Variants in ZNF790 observed in about 807,000 individuals in gnomAD.
ZNF790 encodes the protein zinc finger protein 790.
In ZNF790, 8 loss-of-function variants were observed where a neutral mutation model predicts 12.1. The observed-to-expected ratio is 0.66, with a 90% confidence interval of 0.39 to 1.19. The LOEUF (loss-of-function observed/expected upper bound fraction) is 1.19, where lower values mean the gene tolerates loss of function less well. ZNF790 is among the 50% of genes most tolerant of loss of function. The pLI is 0.01. For missense variants in ZNF790, 707 were observed against 752.2 expected (o/e 0.94, Z 0.70); for synonymous variants, 252 against 244.3 (o/e 1.03, Z -0.29).
chr19:36,849,475 A>G (rs545626909), intron 1 of ZNF790, among the ~76,000 whole-genome samples: 1 of 152,048 alleles, frequency 6.6e-6, no homozygotes, highest in South Asian at 2.1e-4. Context: ...CCCTTTCACT[A>G]TTTATCTTCC....
At chr19:36,830,321 A>G (rs548431313) in intron 1 of ZNF790, among the ~76,000 whole-genome samples, 3 of 152,244 alleles carry the variant, frequency 2.0e-5, no homozygotes, top group East Asian at 1.9e-4. Context: ...TTTTTATTCT[A>G]TTGATATGAT....
At chr19:36,841,216 G>C (rs1237279407), upstream of ZNF790, among the ~76,000 whole-genome samples, 1 of 152,172 alleles carries the variant, frequency 6.6e-6, no homozygotes, top group African/African-American at 2.4e-5. Context: ...ACAAGCACAG[G>C]ATAGCTTGCC....
chr19:36,840,834 C>A (rs1288281933), upstream of ZNF790, among the ~76,000 whole-genome samples: 1 of 152,086 alleles, frequency 6.6e-6, no homozygotes, highest in African/African-American at 2.4e-5. Context: ...CAAGAAAAAT[C>A]ATGACACTCA....
In ZNF790 at chr19:36,847,740, ACT is replaced by A. The variant is rs1253697736; in HGVS notation, c.-74+2260_-74+2261del. ...ACTCCAGCCTGGGCGACAAAGAGAG[ACT>A]CTGTCTCAAAAAAAAAAAAAAGAAG... On this transcript the variant is annotated intron_variant, in intron 1 of 4. Transcript: ENST00000528994. Among the ~76,000 whole-genome samples, 12 of 140,458 alleles carry A rather than the reference ACT, an allele frequency of 8.5e-5. No individual in the cohort carries two copies. In the Admixed American group the frequency reaches 8.8e-4, roughly 10 times the overall value. The allele number at this position is 140,458 out of a possible 152,430, so 92.1% of individuals were successfully genotyped here. A position where few individuals can be genotyped will look rare whatever the true frequency, so the allele number is the denominator to read the frequency against.
Position 36,820,119 on chromosome 19 carries a change from A to G in ZNF790, c.230-5T>C. Reference sequence around the variant, plus strand: ...TCTGACACCTCGACTGCATGTCTGAAAAATAAGAAGGTAAAAACATCATAC... The same window carrying G: ...TCTGACACCTCGACTGCATGTCTGAGAAATAAGAAGGTAAAAACATCATAC... On this transcript the variant is annotated splice_polypyrimidine_tract_variant and splice_region_variant and intron_variant, in intron 4 of 4. Transcript: ENST00000356725. 1 of 1,596,014 alleles carries G rather than the reference A, an allele frequency of 6.3e-7. No homozygotes were observed. The highest frequency in any genetic ancestry group is 1.1e-5 in the South Asian group (1 of 90,768).
At chr19:36,845,096 C>T (rs754699053) in intron 1 of ZNF790, among the ~76,000 whole-genome samples, 17 of 134,366 alleles carry the variant, frequency 1.3e-4, no homozygotes, top group Non-Finnish European at 2.2e-4. Context: ...TGGAGTTTTT[C>T]GAGAAGAACA....
In ZNF790 at chr19:36,819,154, TC is replaced by T. The variant is rs765414708; in HGVS notation, c.1189del (p.Glu397ArgfsTer256). 7 of 1,613,724 alleles carry T rather than the reference TC, an allele frequency of 4.3e-6. No individual in the cohort carries two copies. The African/African-American group carries it at 9.3e-5, about 22-fold the overall frequency. Reference protein sequence around the residue: ...VHVGRKPYKCEKCGKAYIWSS... With the variant: ...VHVGRKPYKCXKCGKAYIWSS... ...CCAAATATAGGCTTTCCCACATTTC[TC>T]ACATTTATAAGGTTTCCTACCAACA... On this transcript the variant is annotated frameshift_variant, in exon 5 of 5. Coordinates refer to ENST00000356725, the MANE Select transcript of ZNF790 (RefSeq NM_206894.4). LOFTEE classifies it low-confidence loss of function (END_TRUNC).
chr19:36,824,984 A>G (rs1293522314), intron 2 of ZNF790, among the ~76,000 whole-genome samples: 1 of 151,898 alleles, frequency 6.6e-6, no homozygotes, highest in Non-Finnish European at 1.5e-5. Flanking sequence ...GCAGCTGACA[A>G]TCAGCAAATT....
At chr19:36,833,415 A>T (rs1227824) in intron 1 of ZNF790, among the ~76,000 whole-genome samples, 51,845 of 152,012 alleles carry the variant, frequency 0.34, 9,673 homozygotes, top group African/African-American at 0.49. Context: ...AGTGCTGGGA[A>T]TACAGGCATG....
upstream of ZNF790, among the ~76,000 whole-genome samples, chr19:36,839,921 G>A (rs1336650985): frequency 6.6e-6 from 1 of 151,986 alleles, no homozygotes; most frequent in Non-Finnish European, 1.5e-5. Flanking sequence ...AAATTAGCTA[G>A]GTGTGGTGGT....
intron 1 of ZNF790, among the ~76,000 whole-genome samples, chr19:36,836,128 T>C (rs1176084355): frequency 6.6e-6 from 1 of 151,998 alleles, no homozygotes; most frequent in African/African-American, 2.4e-5. Context: ...ATGTATACAG[T>C]GGTCCATTTC....
chr19:36,838,398 C>T (rs2072095552), upstream of ZNF790: 1 of 152,308 alleles, frequency 6.6e-6, no homozygotes, highest in African/African-American at 2.4e-5. This position sits in a 1 kb window ranked among gnomAD's most constrained non-coding sequence, Gnocchi z 4.4. Context: ...CCTAAAGGGA[C>T]AGAGGGCTGA....
intron 1 of ZNF790, among the ~76,000 whole-genome samples, chr19:36,849,266 A>G (rs865844299): frequency 6.6e-6 from 1 of 152,094 alleles, no homozygotes; most frequent in Admixed American, 6.6e-5. Context: ...TATATTTTAC[A>G]TCAGCATTTC....
At chr19:36,839,899 C>T (rs914442192), upstream of ZNF790, among the ~76,000 whole-genome samples, 2 of 151,968 alleles carry the variant, frequency 1.3e-5, no homozygotes, top group Non-Finnish European at 2.9e-5. Context: ...CCTGTCTCTA[C>T]TAATAATACA....
rs538660299 is a variant in ZNF790, at chr19:36,817,487, CATAA to C, written c.*942_*945del. 48 of 151,772 alleles carry C rather than the reference CATAA, an allele frequency of 3.2e-4. No homozygotes were observed. Among genetic ancestry groups the C allele is most frequent in the Admixed American group, 1.8e-3 (27 of 15,222 alleles). The allele number at this position is 151,772 out of a possible 1,614,324, so 9.4% of individuals were successfully genotyped here. A position where few individuals can be genotyped will look rare whatever the true frequency, so the allele number is the denominator to read the frequency against. On this transcript the variant is annotated 3_prime_UTR_variant, in exon 5 of 5. Coordinates refer to ENST00000356725, the MANE Select transcript of ZNF790 (RefSeq NM_206894.4). ...ATTAACATTCTGATGTTCAGTAAGA[CATAA>C]ATAGAGATGACATATTTGTCTATAA...
At position 36,847,320 on chromosome 19, in the gene ZNF790, C is replaced by T. The variant is rs185864630; in HGVS notation, c.-74+2682G>A. ...GAGCCGAGATTGCGCCACTGCACTC[C>T]AGCCTGGGCAATACAGTAAGACTTT... On this transcript the variant is annotated intron_variant, in intron 1 of 4. Coordinates refer to the ZNF790 transcript ENST00000528994. Among the ~76,000 whole-genome samples the T allele has an allele frequency of 6.0e-3, 907 of 152,094 alleles. 5 individuals carry two copies. The highest frequency in any genetic ancestry group is 0.021 in the Middle Eastern group (6 of 292).
intron 1 of ZNF790, chr19:36,837,748 T>TCCCCAGCCCTCTA (rs1375973040): frequency 1.3e-5 from 2 of 152,190 alleles, no homozygotes; most frequent in African/African-American, 2.4e-5. Context: ...CCAGCCGTCT[T>TCCCCAGCCCTCTA]CCCCAGCCCT....
At chr19:36,822,835 C>T (rs2071704227) in intron 4 of ZNF790, among the ~76,000 whole-genome samples, 1 of 151,688 alleles carries the variant, frequency 6.6e-6, no homozygotes, top group African/African-American at 2.4e-5. Context: ...CCACGGCACC[C>T]AGCCAGTTTT....
At chr19:36,835,382 G>A (rs2431776) in intron 1 of ZNF790, among the ~76,000 whole-genome samples, 1 of 152,214 alleles carries the variant, frequency 6.6e-6, no homozygotes, top group Middle Eastern at 3.4e-3. Flanking sequence ...CTGACCAGAT[G>A]TTAGATCACA....
Sources: gnomAD v4.1 joint callset for allele counts (sites outside exome capture counted in the v4.1 genomes callset) on GRCh38, gnomAD v4.1.1 for gene constraint, Gnocchi (gnomAD v3.1) non-coding constraint, MANE v1.5 for transcripts, NCBI Gene and HGNC (gene_info 2026-07-23, HGNC 2026-07-21) for gene names.